SGK3: variants seen among roughly 807,000 people sequenced by gnomAD.
SGK3 encodes the protein serum/glucocorticoid regulated kinase family member 3.
In SGK3, 47 loss-of-function variants were observed where a neutral mutation model predicts 68.5. The ratio of observed to expected loss-of-function variants is 0.69; its 90% CI spans 0.54 to 0.87. SGK3 has a LOEUF of 0.87. SGK3 is among the 40% of genes least tolerant of loss of function. The probability of loss-of-function intolerance (pLI) is 0.00; values close to 1 mark genes in which losing one functional copy is unlikely to be tolerated. For synonymous variants in SGK3, 181 were observed against 189.1 expected, an observed-to-expected ratio of 0.96 and a Z score of 0.35; for missense variants, 479 against 575.5, an observed-to-expected ratio of 0.83 and a Z score of 1.72.
chr8:66,810,290 A>G (rs1048710994), intron 4 of SGK3, among the ~76,000 whole-genome samples: 18 of 152,212 alleles, frequency 1.2e-4, no homozygotes, highest in Non-Finnish European at 5.9e-5. Context: ...AAAAAAAATA[A>G]AAGGTGAGGA....
At chr8:66,777,033 C>G (rs1198557504) in intron 1 of SGK3, among the ~76,000 whole-genome samples, 1 of 152,138 alleles carries the variant, frequency 6.6e-6, no homozygotes, top group Non-Finnish European at 1.5e-5. Context: ...AAGTGGAACC[C>G]TGAATGCTCA....
At chr8:66,787,292 T>C (rs148941230) in intron 1 of SGK3, among the ~76,000 whole-genome samples, 3,742 of 152,278 alleles carry the variant, frequency 0.025, 68 homozygotes, top group Admixed American at 0.044. Flanking sequence ...CAATAAGTGT[T>C]CATTGAATTA....
At chr8:66,829,153 T>C (rs1039486039) in intron 7 of SGK3, among the ~76,000 whole-genome samples, 2 of 152,172 alleles carry the variant, frequency 1.3e-5, no homozygotes, top group Non-Finnish European at 1.5e-5. Context: ...GGAGTCATAA[T>C]GGACATTAGC....
chr8:66,827,748 A>T (rs1350968492), intron 6 of SGK3, among the ~76,000 whole-genome samples: 2 of 152,178 alleles, frequency 1.3e-5, no homozygotes, highest in African/African-American at 4.8e-5. Context: ...TTCTAAATTA[A>T]TACCAGGGCT....
chr8:66,720,412 C>T (rs917540955), intron 1 of SGK3, among the ~76,000 whole-genome samples: 6 of 152,046 alleles, frequency 3.9e-5, no homozygotes, highest in African/African-American at 9.7e-5. Context: ...GTGGGCAGAT[C>T]GCTTGAGCTC....
chr8:66,847,466 G>A, intron 15 of SGK3, 118 bp downstream of exon 15: 2 of 1,423,304 alleles, frequency 1.4e-6, no homozygotes, highest in Admixed American at 2.7e-5. Context: ...ATAGCAACAT[G>A]GAAAAAAAGC....
chr8:66,784,485 C>G (rs983348754), intron 1 of SGK3, among the ~76,000 whole-genome samples: 4 of 152,078 alleles, frequency 2.6e-5, no homozygotes, highest in African/African-American at 7.2e-5. Flanking sequence ...GTAGGGTCCT[C>G]TAGTCAATAT....
chr8:66,741,815 C>G (rs1473075459), intron 1 of SGK3, among the ~76,000 whole-genome samples: 1 of 152,134 alleles, frequency 6.6e-6, no homozygotes, highest in East Asian at 1.9e-4. Flanking sequence ...GGCACAGTAC[C>G]AGTAGATGGG....
intron 1 of SGK3, among the ~76,000 whole-genome samples, chr8:66,731,317 A>G (rs1805144488): frequency 6.6e-6 from 1 of 152,262 alleles, no homozygotes; most frequent in South Asian, 2.1e-4. Context: ...TGTTGTTCAT[A>G]TCTTTTTCCT....
chr8:66,778,795 C>T (rs577589008), intron 1 of SGK3, among the ~76,000 whole-genome samples: 2 of 152,104 alleles, frequency 1.3e-5, no homozygotes, highest in Non-Finnish European at 2.9e-5. Context: ...GTAGGGAGAG[C>T]AGCATGTCCA....
At chr8:66,790,075 C>T (rs1807376486) in intron 1 of SGK3, among the ~76,000 whole-genome samples, 1 of 151,750 alleles carries the variant, frequency 6.6e-6, no homozygotes, top group African/African-American at 2.4e-5. Context: ...GAGACCCCAT[C>T]TCAAAAAAAA....
intron 1 of SGK3, among the ~76,000 whole-genome samples, chr8:66,717,735 G>A (rs1170967002): frequency 6.6e-6 from 1 of 151,954 alleles, no homozygotes; most frequent in African/African-American, 2.4e-5. Context: ...ACAGAATCTC[G>A]CTGTCTTGCC....
chr8:66,784,382 T>C (rs1422710525), intron 1 of SGK3, among the ~76,000 whole-genome samples: 1 of 152,152 alleles, frequency 6.6e-6, no homozygotes, highest in Non-Finnish European at 1.5e-5. Context: ...TATTTCCCTT[T>C]ATGCCTTGGT....
At chr8:66,823,821 G>C (rs1214688531) in intron 6 of SGK3, among the ~76,000 whole-genome samples, 2 of 152,088 alleles carry the variant, frequency 1.3e-5, no homozygotes, top group African/African-American at 2.4e-5. Flanking sequence ...TAATTTAACT[G>C]TAAGTATTAT....
chr8:66,841,525 A>C (rs1442666744), intron 13 of SGK3, among the ~76,000 whole-genome samples: 3 of 152,216 alleles, frequency 2.0e-5, no homozygotes, highest in African/African-American at 4.8e-5. Flanking sequence ...TGAATCACAC[A>C]CTTTAAATGG....
intron 1 of SGK3, among the ~76,000 whole-genome samples, chr8:66,723,093 A>ATG (rs1804848272): frequency 5.5e-5 from 1 of 18,052 alleles, no homozygotes. Flanking sequence ...TTTTGTTCAT[A>ATG]TATATATATA....
rs78417659 is a variant in SGK3, at chr8:66,743,975, C to A, written c.-122+31142C>A. ...TGTCCTTTTGTTCCAATCTGGGATG[C>A]TGCTGCACAGTTGTCATCCTGGAAA... On this transcript the variant is annotated intron_variant, in intron 1 of 16. Coordinates refer to ENST00000521198, the MANE Select transcript of SGK3 (RefSeq NM_001033578.3). Among the ~76,000 whole-genome samples, 891 of 152,348 alleles carry A rather than the reference C, an allele frequency of 5.8e-3. 11 individuals are homozygous for A. The highest frequency in any genetic ancestry group is 0.02 in the African/African-American group (825 of 41,574).
At chr8:66,857,352 A>G (rs558258197) in intron 16 of SGK3, among the ~76,000 whole-genome samples, 2 of 152,158 alleles carry the variant, frequency 1.3e-5, no homozygotes, top group South Asian at 2.1e-4. Context: ...CTGAATTTCT[A>G]TCAGCACACC....
intron 7 of SGK3, 110 bp downstream of exon 7, chr8:66,828,813 A>G (rs1255402797): frequency 2.2e-6 from 3 of 1,368,914 alleles, no homozygotes; most frequent in African/African-American, 2.9e-5. Context: ...CCTTTGAAAT[A>G]TAACCATAGT....
Sources: allele counts gnomAD v4.1 joint callset (sites outside exome capture counted in the v4.1 genomes callset), GRCh38; gene constraint gnomAD v4.1.1; transcripts MANE v1.5; gene names NCBI Gene and HGNC (gene_info 2026-07-23, HGNC 2026-07-21).